Variants in LRRC4C observed in about 807,000 individuals in gnomAD.
LRRC4C encodes the protein leucine rich repeat containing 4C.
Under a neutral mutation model 33.6 loss-of-function variants are expected in LRRC4C, and 5 were observed. The observed-to-expected ratio is 0.15, with a 90% CI of 0.08 to 0.31. LRRC4C has a LOEUF of 0.31. Ranked by LOEUF, LRRC4C falls within the 10% of genes least tolerant of loss-of-function variation. The probability of loss-of-function intolerance (pLI) is 1.00; values close to 1 mark genes in which losing one functional copy is unlikely to be tolerated. For missense variants in LRRC4C, 560 were observed against 796.7 expected (o/e 0.70, Z 3.58); for synonymous variants, 329 against 302.0 (o/e 1.09, Z -0.93).
intron 3 of LRRC4C, among the ~76,000 whole-genome samples, chr11:40,430,759 A>G (rs965584653): frequency 6.6e-6 from 1 of 152,092 alleles, no homozygotes; most frequent in Non-Finnish European, 1.5e-5. Flanking sequence ...ATAAAGAGCA[A>G]TCAGCACCAT....
At chr11:41,036,652 ATTTTTTAAACAGG>A (rs1320851636) in intron 1 of LRRC4C, among the ~76,000 whole-genome samples, 4 of 151,484 alleles carry the variant, frequency 2.6e-5, no homozygotes, top group African/African-American at 9.7e-5. Context: ...TGAAGGAAGC[ATTTTTTAAACAGG>A]TAAAATCATG....
intron 2 of LRRC4C, among the ~76,000 whole-genome samples, chr11:40,919,546 C>T (rs1957092315): frequency 6.6e-6 from 1 of 152,098 alleles, no homozygotes; most frequent in African/African-American, 2.4e-5. Flanking sequence ...TTTGGCTTAT[C>T]TTCTTCCAGC....
At chr11:40,697,074 C>T (rs1388161727) in intron 2 of LRRC4C, among the ~76,000 whole-genome samples, 2 of 151,798 alleles carry the variant, frequency 1.3e-5, no homozygotes, top group East Asian at 1.9e-4. Context: ...TTCATTAATC[C>T]GACATTTGGG....
At chr11:41,381,600 C>A (rs1953152396) in intron 1 of LRRC4C, among the ~76,000 whole-genome samples, 1 of 145,636 alleles carries the variant, frequency 6.9e-6, no homozygotes, top group Non-Finnish European at 1.5e-5. Context: ...GTACTCCAGC[C>A]TGGGCAACAG....
chr11:40,529,737 T>C (rs1037050384), intron 3 of LRRC4C, among the ~76,000 whole-genome samples: 4 of 152,276 alleles, frequency 2.6e-5, no homozygotes, highest in Admixed American at 6.5e-5. Context: ...ATTCACAGAA[T>C]GGAAAATGGA....
chr11:40,880,344 C>T (rs1283276971), intron 2 of LRRC4C, among the ~76,000 whole-genome samples: 1 of 152,056 alleles, frequency 6.6e-6, no homozygotes, highest in Non-Finnish European at 1.5e-5. Context: ...CATTAAGTCA[C>T]TAAACTCTGA....
chr11:40,536,306 A>T (rs139634221), intron 3 of LRRC4C, among the ~76,000 whole-genome samples: 6 of 151,746 alleles, frequency 4.0e-5, no homozygotes, highest in Non-Finnish European at 8.8e-5. Flanking sequence ...CGATTCTCCC[A>T]CCTCAGCCTC....
intron 1 of LRRC4C, among the ~76,000 whole-genome samples, chr11:41,280,118 C>T (rs367878449): frequency 1.3e-5 from 2 of 152,242 alleles, no homozygotes; most frequent in East Asian, 3.9e-4. Context: ...ATTGTCTTTA[C>T]TTCAATGCCT....
intron 1 of LRRC4C, among the ~76,000 whole-genome samples, chr11:41,338,254 C>T (rs878923170): frequency 2.0e-5 from 3 of 152,200 alleles, no homozygotes; most frequent in South Asian, 2.1e-4. Context: ...ATATGTTTAT[C>T]GCAGCACTAT....
At chr11:40,145,426 T>C (rs1280617003) in intron 5 of LRRC4C, among the ~76,000 whole-genome samples, 1 of 152,188 alleles carries the variant, frequency 6.6e-6, no homozygotes, top group Non-Finnish European at 1.5e-5. Flanking sequence ...CATAAACTTT[T>C]ATGTCTCAAC....
chr11:41,303,101 C>T (rs1408944895), intron 1 of LRRC4C, among the ~76,000 whole-genome samples: 2 of 147,822 alleles, frequency 1.4e-5, no homozygotes, highest in Non-Finnish European at 3.0e-5. Context: ...CTCCCTCTCC[C>T]TCTCCCTCTC....
chr11:41,367,735 C>G (rs965126178), intron 1 of LRRC4C, among the ~76,000 whole-genome samples: 12 of 152,062 alleles, frequency 7.9e-5, no homozygotes, highest in African/African-American at 2.9e-4. Flanking sequence ...AGCATGCATT[C>G]TCAGCAACTT....
At chr11:41,202,379 C>T (rs1281055662) in intron 1 of LRRC4C, among the ~76,000 whole-genome samples, 1 of 152,156 alleles carries the variant, frequency 6.6e-6, no homozygotes. Context: ...AATTCAGCTG[C>T]TCCATCCAAA....
chr11:40,716,750 C>T (rs1427712064), intron 2 of LRRC4C, among the ~76,000 whole-genome samples: 1 of 152,102 alleles, frequency 6.6e-6, no homozygotes, highest in African/African-American at 2.4e-5. Context: ...GCAAATTTGT[C>T]AAACCCATTA....
At chr11:40,575,970 T>C (rs1958174740) in intron 3 of LRRC4C, among the ~76,000 whole-genome samples, 1 of 152,334 alleles carries the variant, frequency 6.6e-6, no homozygotes, top group Non-Finnish European at 1.5e-5. Flanking sequence ...CAATATCAAA[T>C]AGCCAACACT....
At chr11:40,496,398 C>G (rs1954460783) in intron 3 of LRRC4C, among the ~76,000 whole-genome samples, 1 of 152,140 alleles carries the variant, frequency 6.6e-6, no homozygotes, top group Non-Finnish European at 1.5e-5. Context: ...AGGATTACCA[C>G]AATCAAACCA....
chr11:41,304,503 C>T (rs1263586750), intron 1 of LRRC4C, among the ~76,000 whole-genome samples: 5 of 112,320 alleles, frequency 4.5e-5, no homozygotes, highest in South Asian at 3.4e-4. Flanking sequence ...CCCGGCCAGC[C>T]GCCCCGTCCG....
chr11:41,094,578 A>C (rs1940682749), intron 1 of LRRC4C, among the ~76,000 whole-genome samples: 1 of 152,108 alleles, frequency 6.6e-6, no homozygotes, highest in Non-Finnish European at 1.5e-5. Context: ...CTCTTCTTTA[A>C]TGATCCTGTG....
At chr11:40,813,031 C>T (rs964090258) in intron 2 of LRRC4C, among the ~76,000 whole-genome samples, 2 of 152,066 alleles carry the variant, frequency 1.3e-5, no homozygotes, top group African/African-American at 2.4e-5. Flanking sequence ...CTATAAAATT[C>T]CCCAATTTTC....
Sources: allele counts gnomAD v4.1 joint callset (sites outside exome capture counted in the v4.1 genomes callset), GRCh38; gene constraint gnomAD v4.1.1; transcripts MANE v1.5; gene names NCBI Gene and HGNC (gene_info 2026-07-23, HGNC 2026-07-21).